The following BLTP2 variants were observed in gnomAD, a reference collection of about 807,000 sequenced individuals.
The protein encoded by BLTP2 is bridge-like lipid transfer protein family member 2.
At chr17:28,631,547 T>A in the BLTP2 span, 2 of 1,614,156 alleles carry the variant, frequency 1.2e-6, no homozygotes, top group South Asian at 1.1e-5. Context: ...TGGGTCTTTG[T>A]TACCAAGGGA....
chr17:28,632,249 G>GA, the BLTP2 span: 1 of 1,585,484 alleles, frequency 6.3e-7, no homozygotes, highest in Non-Finnish European at 8.6e-7. Flanking sequence ...GCTGCAAAGA[G>GA]AAAGACAGAC....
At chr17:28,624,837 G>T in the BLTP2 span, among the ~76,000 whole-genome samples, 1 of 151,906 alleles carries the variant, frequency 6.6e-6, no homozygotes, top group South Asian at 2.1e-4. Flanking sequence ...CTTCTCCCAG[G>T]TCTAAGCTCC....
chr17:28,621,969 G>C, the BLTP2 span, among the ~76,000 whole-genome samples: 1 of 152,132 alleles, frequency 6.6e-6, no homozygotes, highest in Non-Finnish European at 1.5e-5. Flanking sequence ...CATTGAGTGA[G>C]ATGGGAAGAC....
chr17:28,642,967 A>G, the BLTP2 span: 1 of 1,598,062 alleles, frequency 6.3e-7, no homozygotes, highest in East Asian at 2.2e-5. Flanking sequence ...TGTTTATAGC[A>G]TCTACATGAA....
At chr17:28,639,838 A>G in the BLTP2 span, 2 of 1,592,000 alleles carry the variant, frequency 1.3e-6, no homozygotes, top group East Asian at 2.2e-5. Flanking sequence ...CATATGGGGC[A>G]TGAGCAAAGA....
the BLTP2 span, chr17:28,628,427 C>T: frequency 1.9e-6 from 3 of 1,614,084 alleles, no homozygotes; most frequent in African/African-American, 1.3e-5. Flanking sequence ...CGTTTGAGTA[C>T]AGCTGCCTTT....
chr17:28,631,841 TC>T, the BLTP2 span: 3 of 1,613,660 alleles, frequency 1.9e-6, no homozygotes, highest in South Asian at 3.3e-5. Context: ...AGCCGCTGAG[TC>T]CCCCGAGTGA....
At chr17:28,633,415 C>A in the BLTP2 span, 2 of 1,607,474 alleles carry the variant, frequency 1.2e-6, no homozygotes, top group Non-Finnish European at 1.7e-6. Flanking sequence ...TGACCACCCC[C>A]GAGAATTTGG....
At chr17:28,636,461 G>A in the BLTP2 span, among the ~76,000 whole-genome samples, 1 of 152,260 alleles carries the variant, frequency 6.6e-6, no homozygotes, top group African/African-American at 2.4e-5. Flanking sequence ...TTATTTTTCA[G>A]AGATGCATAG....
the BLTP2 span, chr17:28,643,345 C>A: frequency 2.5e-6 from 4 of 1,612,350 alleles, no homozygotes; most frequent in Admixed American, 3.3e-5. Flanking sequence ...GCCACCAGGT[C>A]CATCCCTCCC....
At chr17:28,633,658 G>A in the BLTP2 span, 2 of 1,614,120 alleles carry the variant, frequency 1.2e-6, no homozygotes, top group South Asian at 1.1e-5. Flanking sequence ...GGGGTCAGCT[G>A]AGGGCTTGGT....
At chr17:28,633,791 T>C in the BLTP2 span, 4 of 1,602,722 alleles carry the variant, frequency 2.5e-6, no homozygotes, top group Admixed American at 1.7e-5. Flanking sequence ...GTTCACAACA[T>C]TACCCCTCTC....
At chr17:28,617,248 G>A in the BLTP2 span, 1 of 1,613,964 alleles carries the variant, frequency 6.2e-7, no homozygotes, top group Non-Finnish European at 8.5e-7. Flanking sequence ...GACAGCATTG[G>A]GGAGGAGGTT....
chr17:28,633,968 G>C, the BLTP2 span: 8 of 1,614,020 alleles, frequency 5.0e-6, no homozygotes, highest in Non-Finnish European at 6.8e-6. Flanking sequence ...GAAGCCCCAA[G>C]TGCAAGATCT....
chr17:28,615,071 C>T, the BLTP2 span: 21 of 1,612,594 alleles, frequency 1.3e-5, no homozygotes, highest in Non-Finnish European at 1.6e-5. Context: ...AAATCATTTG[C>T]GCCTGCCAAA....
the BLTP2 span, among the ~76,000 whole-genome samples, chr17:28,644,358 G>C: frequency 6.6e-6 from 1 of 152,208 alleles, no homozygotes; most frequent in Non-Finnish European, 1.5e-5. Context: ...CGCTGATCAA[G>C]ATCCTAGCTC....
At chr17:28,635,364 T>A in the BLTP2 span, 3 of 1,614,210 alleles carry the variant, frequency 1.9e-6, no homozygotes, top group East Asian at 6.7e-5. Context: ...CTACAAAAGC[T>A]GTGAGCTTGG....
chr17:28,640,254 G>A, the BLTP2 span: 29 of 506,628 alleles, frequency 5.7e-5, no homozygotes, highest in Admixed American at 1.3e-4. Flanking sequence ...TTAGCCGGGC[G>A]TGGTGGCACG....
the BLTP2 span, chr17:28,615,839 G>A: frequency 1.9e-6 from 3 of 1,608,892 alleles, no homozygotes; most frequent in Admixed American, 3.4e-5. Context: ...AAGAGGGGTG[G>A]GGAATACATC....
Sources: gnomAD v4.1 joint callset for allele counts (sites outside exome capture counted in the v4.1 genomes callset) on GRCh38, gnomAD v4.1.1 for gene constraint, MANE v1.5 for transcripts, NCBI Gene and HGNC (gene_info 2026-07-23, HGNC 2026-07-21) for gene names.